Variants in SYN2 observed in about 807,000 individuals in gnomAD.
SYN2 encodes the protein synapsin II.
A neutral mutation model predicts 50.9 loss-of-function variants in SYN2; 19 were observed. That is an observed-to-expected ratio of 0.37 (90% CI 0.26 to 0.55). SYN2 has a LOEUF of 0.55. Ranked by LOEUF, SYN2 falls within the 20% of genes least tolerant of loss-of-function variation. The pLI, the probability that SYN2 is intolerant of heterozygous loss-of-function variation, is 0.81. For synonymous variants in SYN2, 255 were observed against 224.9 expected, an observed-to-expected ratio of 1.13 and a Z score of -1.20; for missense variants, 587 against 576.4, an observed-to-expected ratio of 1.02 and a Z score of -0.19.
At chr3:12,045,541 A>C (rs1452030374) in intron 1 of SYN2, among the ~76,000 whole-genome samples, 1 of 152,200 alleles carries the variant, frequency 6.6e-6, no homozygotes, top group African/African-American at 2.4e-5. Flanking sequence ...GACTACCACC[A>C]CTATTGCTAT....
Position 12,169,917 on chromosome 3 carries a change from A to G in SYN2, c.1308+11A>G. On this transcript the variant is annotated intron_variant, in intron 10 of 12. Coordinates refer to ENST00000621198, the MANE Select transcript of SYN2 (RefSeq NM_133625.6). ...ACCCAGCAGCCACAGGTAAGCAGCTAGGAAGAGACATAGCAGAGCCAAGAA... is the reference window on the plus strand; with the variant it reads ...ACCCAGCAGCCACAGGTAAGCAGCTGGGAAGAGACATAGCAGAGCCAAGAA... 6.3e-7 allele frequency: 1 copy of G among 1,599,072 alleles called. No individual in the cohort carries two copies. The highest frequency in any genetic ancestry group is 8.5e-7 in the Non-Finnish European group (1 of 1,172,692).
At chr3:12,099,661 A>G (rs1162582046) in intron 1 of SYN2, among the ~76,000 whole-genome samples, 1 of 152,112 alleles carries the variant, frequency 6.6e-6, no homozygotes, top group Non-Finnish European at 1.5e-5. Flanking sequence ...ACTAAATTCA[A>G]AGCAATCAAT....
chr3:12,021,056 A>AT (rs1450022580), intron 1 of SYN2, among the ~76,000 whole-genome samples: 6 of 152,216 alleles, frequency 3.9e-5, no homozygotes, highest in African/African-American at 1.2e-4. Context: ...ATAACTTCAT[A>AT]TTTTTTTCAC....
In SYN2 at chr3:12,151,722, T is replaced by C. The variant is rs113016094; in HGVS notation, c.774+396T>C. ...TATCCCTGCACAGGATATTCTAATA[T>C]GGTACAGACACAATTTAAGTGAGAT... is the stretch of plus-strand genomic sequence containing the variant. On this transcript the variant is annotated intron_variant, in intron 5 of 12. Transcript: ENST00000621198. Among the ~76,000 whole-genome samples, 788 of 152,326 alleles carry C rather than the reference T, an allele frequency of 5.2e-3. 7 individuals are homozygous for C. The highest frequency in any genetic ancestry group is 0.016 in the African/African-American group (685 of 41,582).
At chr3:12,074,707 T>A (rs1390369786) in intron 1 of SYN2, among the ~76,000 whole-genome samples, 1 of 152,180 alleles carries the variant, frequency 6.6e-6, no homozygotes, top group Non-Finnish European at 1.5e-5. Context: ...TCCTACTCCC[T>A]ATATTTAGTT....
At chr3:12,034,891 A>C (rs191562238) in intron 1 of SYN2, among the ~76,000 whole-genome samples, 1 of 152,300 alleles carries the variant, frequency 6.6e-6, no homozygotes, top group East Asian at 1.9e-4. Context: ...ATGGCCTTCA[A>C]AGTTTTAACT....
chr3:12,005,386 G>A (rs1187212250), intron 1 of SYN2, among the ~76,000 whole-genome samples: 8 of 152,082 alleles, frequency 5.3e-5, no homozygotes, highest in Non-Finnish European at 1.0e-4. Context: ...ATTTTGGAGG[G>A]AGAAGGTGGT....
chr3:12,122,698 A>G (rs995378230), intron 1 of SYN2, among the ~76,000 whole-genome samples: 1 of 152,218 alleles, frequency 6.6e-6, no homozygotes, highest in African/African-American at 2.4e-5. Flanking sequence ...TACTACATGG[A>G]TAATCTGAGG....
intron 10 of SYN2, among the ~76,000 whole-genome samples, chr3:12,180,187 G>A (rs754106991): frequency 6.6e-6 from 1 of 151,564 alleles, no homozygotes; most frequent in Non-Finnish European, 1.5e-5. Flanking sequence ...GGGCTCAAGT[G>A]ATCCACGCAC....
chr3:12,004,932 G>T lies in SYN2; in HGVS notation c.377+4G>T, dbSNP rs1174537882. 1 of 541,994 alleles carries T rather than the reference G, an allele frequency of 1.8e-6. No homozygotes were observed. The highest frequency in any genetic ancestry group is 3.2e-6 in the Non-Finnish European group (1 of 308,334). The allele number at this position is 541,994 out of a possible 1,614,324, so 33.6% of individuals were successfully genotyped here. ...TCGACGAGCCGCACGCCGACTGGTA[G>T]GTGCCGGGCGCCGCCGCCCTCGGGG... is the stretch of plus-strand genomic sequence containing the variant. On this transcript the variant is annotated splice_donor_region_variant and intron_variant, in intron 1 of 12. Coordinates refer to ENST00000621198, the MANE Select transcript of SYN2 (RefSeq NM_133625.6).
At chr3:12,108,300 C>T (rs1696241892) in intron 1 of SYN2, among the ~76,000 whole-genome samples, 1 of 152,150 alleles carries the variant, frequency 6.6e-6, no homozygotes, top group Non-Finnish European at 1.5e-5. Flanking sequence ...GAATCTGAGG[C>T]CCTTGGGGAT....
chr3:12,189,535 G>A (rs1270251515), intron 12 of SYN2, among the ~76,000 whole-genome samples: 1 of 152,120 alleles, frequency 6.6e-6, no homozygotes, highest in Non-Finnish European at 1.5e-5. Context: ...ATTGCCGGGT[G>A]CGGTGGCTCA....
intron 1 of SYN2, among the ~76,000 whole-genome samples, chr3:12,131,134 C>CA (rs1328112650): frequency 1.3e-5 from 2 of 152,250 alleles, no homozygotes; most frequent in African/African-American, 4.8e-5. Flanking sequence ...ACATTCCACT[C>CA]ACCAATCCAA....
intron 1 of SYN2, among the ~76,000 whole-genome samples, chr3:12,134,062 A>G (rs6762470): frequency 6.6e-6 from 1 of 152,150 alleles, no homozygotes; most frequent in African/African-American, 2.4e-5. Context: ...ATACCATTGA[A>G]GTGTATACGT....
chr3:12,034,713 C>A (rs1280496259), intron 1 of SYN2, among the ~76,000 whole-genome samples: 1 of 152,140 alleles, frequency 6.6e-6, no homozygotes, highest in Non-Finnish European at 1.5e-5. Flanking sequence ...AGGATAACAG[C>A]ATTTGTCCAT....
intron 1 of SYN2, among the ~76,000 whole-genome samples, chr3:12,128,041 GC>G (rs1245964179): frequency 6.7e-6 from 1 of 150,234 alleles, no homozygotes; most frequent in African/African-American, 2.5e-5. Context: ...AACATCCCAG[GC>G]TGAAGCGATC....
chr3:12,122,847 A>G (rs749894511), intron 1 of SYN2, among the ~76,000 whole-genome samples: 1 of 152,214 alleles, frequency 6.6e-6, no homozygotes, highest in Non-Finnish European at 1.5e-5. Flanking sequence ...TGTAAAATTA[A>G]TAGATTTAAA....
chr3:12,180,229 G>A (rs1375962811), intron 10 of SYN2, among the ~76,000 whole-genome samples: 2 of 147,298 alleles, frequency 1.4e-5, no homozygotes, highest in East Asian at 2.0e-4. Flanking sequence ...GATTACAGGC[G>A]TGAGCCGCAC....
intron 1 of SYN2, among the ~76,000 whole-genome samples, chr3:12,053,788 C>G (rs1165718239): frequency 1.3e-5 from 2 of 152,010 alleles, no homozygotes; most frequent in Admixed American, 6.5e-5. Flanking sequence ...AAGTAATTAA[C>G]TTAAAATAAG....
Sources: gnomAD v4.1 joint callset for allele counts (sites outside exome capture counted in the v4.1 genomes callset) on GRCh38, gnomAD v4.1.1 for gene constraint, MANE v1.5 for transcripts, NCBI Gene and HGNC (gene_info 2026-07-23, HGNC 2026-07-21) for gene names.